MAGI2: variants seen among roughly 807,000 people sequenced by gnomAD.
MAGI2 encodes the protein membrane-associated guanylate kinase, WW and PDZ domain-containing protein 2.
Under a neutral mutation model 133.3 loss-of-function variants are expected in MAGI2, and 35 were observed. The observed-to-expected ratio is 0.26, with a 90% CI of 0.20 to 0.35. The LOEUF (loss-of-function observed/expected upper bound fraction) is 0.35, where lower values mean the gene tolerates loss of function less well. Ranked by LOEUF, MAGI2 falls within the 10% of genes least tolerant of loss-of-function variation. The probability of loss-of-function intolerance (pLI) is 1.00; values close to 1 mark genes in which losing one functional copy is unlikely to be tolerated. For synonymous variants in MAGI2, 729 were observed against 710.6 expected (o/e 1.03, Z -0.41); for missense variants, 1,636 against 1,863.4 (o/e 0.88, Z 2.25).
At position 79,120,235 on chromosome 7, in the gene MAGI2, C is replaced by T. The variant is rs150343324; in HGVS notation, c.302-113029G>A. Among the ~76,000 whole-genome samples, 39 of 152,122 alleles carry T rather than the reference C, an allele frequency of 2.6e-4. No homozygotes were observed. The East Asian group carries it at 6.4e-3, about 25-fold the overall frequency. ...TTTGGTATAAAAGTCATGTATGCAA[C>T]ACACCTGTTTAAAGCTATGTTACAT... On this transcript the variant is annotated intron_variant, in intron 1 of 21. Transcript: ENST00000354212.
intron 10 of MAGI2, among the ~76,000 whole-genome samples, chr7:78,230,642 T>C (rs1171876642): frequency 6.6e-6 from 1 of 152,208 alleles, no homozygotes; most frequent in African/African-American, 2.4e-5. Context: ...ACCTCCTTAT[T>C]TATTGAGACT....
chr7:79,119,788 C>T (rs1254328951), intron 1 of MAGI2, among the ~76,000 whole-genome samples: 1 of 151,894 alleles, frequency 6.6e-6, no homozygotes, highest in Non-Finnish European at 1.5e-5. Flanking sequence ...GCTCAGCTAT[C>T]TACAGTATGT....
At chr7:79,310,634 C>T (rs1409410112) in intron 1 of MAGI2, among the ~76,000 whole-genome samples, 2 of 152,102 alleles carry the variant, frequency 1.3e-5, no homozygotes, top group East Asian at 1.9e-4. Context: ...GCAATAAAGC[C>T]GGTGATCTTG....
intron 2 of MAGI2, among the ~76,000 whole-genome samples, chr7:78,971,993 G>A (rs1015202328): frequency 6.6e-6 from 1 of 151,760 alleles, no homozygotes; most frequent in Non-Finnish European, 1.5e-5. Context: ...ACAAATGTTT[G>A]CCTTTCATAC....
intron 6 of MAGI2, among the ~76,000 whole-genome samples, chr7:78,390,863 A>T (rs947775259): frequency 1.3e-5 from 2 of 152,156 alleles, no homozygotes; most frequent in Admixed American, 6.5e-5. Flanking sequence ...CTCATAAATG[A>T]TTGCTTTACA....
At chr7:79,405,422 T>TGA (rs1438409889) in intron 1 of MAGI2, among the ~76,000 whole-genome samples, 1 of 152,152 alleles carries the variant, frequency 6.6e-6, no homozygotes, top group Admixed American at 6.5e-5. Flanking sequence ...AATAGCTGAG[T>TGA]ATTCAGACAG....
chr7:79,366,272 T>C (rs968129070), intron 1 of MAGI2, among the ~76,000 whole-genome samples: 8 of 152,026 alleles, frequency 5.3e-5, no homozygotes, highest in East Asian at 3.9e-4. Flanking sequence ...GAAAAATATA[T>C]ATATATCCAA....
chr7:78,272,682 T>C (rs538326499), intron 9 of MAGI2, among the ~76,000 whole-genome samples: 2 of 152,360 alleles, frequency 1.3e-5, no homozygotes, highest in African/African-American at 2.4e-5. Flanking sequence ...TTGATCCCTT[T>C]ATCATTATGT....
At chr7:78,850,094 G>C (rs1792999602) in intron 2 of MAGI2, among the ~76,000 whole-genome samples, 1 of 151,968 alleles carries the variant, frequency 6.6e-6, no homozygotes, top group Non-Finnish European at 1.5e-5. Flanking sequence ...ATTAATATTT[G>C]TTAATAGATC....
intron 1 of MAGI2, among the ~76,000 whole-genome samples, chr7:79,324,926 A>G (rs1425665666): frequency 6.6e-6 from 1 of 151,410 alleles, no homozygotes; most frequent in Non-Finnish European, 1.5e-5. Context: ...CTTATATAAA[A>G]TAGGAAAATT....
At chr7:78,610,947 G>A (rs1158100555) in intron 3 of MAGI2, among the ~76,000 whole-genome samples, 1 of 152,212 alleles carries the variant, frequency 6.6e-6, no homozygotes, top group Non-Finnish European at 1.5e-5. Context: ...TGTCAAAGAA[G>A]GCTGGAAGCA....
At chr7:78,237,219 T>C (rs1011091100) in intron 10 of MAGI2, among the ~76,000 whole-genome samples, 1 of 152,148 alleles carries the variant, frequency 6.6e-6, no homozygotes, top group African/African-American at 2.4e-5. Flanking sequence ...ATAAAACAAA[T>C]AGATATATTC....
intron 1 of MAGI2, among the ~76,000 whole-genome samples, chr7:79,065,654 T>C (rs1814231746): frequency 6.6e-6 from 1 of 152,174 alleles, no homozygotes; most frequent in South Asian, 2.1e-4. Context: ...AGTGGTTTGC[T>C]GCGCCCATCA....
intron 3 of MAGI2, among the ~76,000 whole-genome samples, chr7:78,596,414 G>C (rs1252216795): frequency 6.6e-6 from 1 of 152,182 alleles, no homozygotes; most frequent in Non-Finnish European, 1.5e-5. Flanking sequence ...CTGGCCCCAA[G>C]AGCTTCTATC....
chr7:79,337,739 A>G (rs1167235304), intron 1 of MAGI2, among the ~76,000 whole-genome samples: 1 of 152,150 alleles, frequency 6.6e-6, no homozygotes, highest in Admixed American at 6.6e-5. Context: ...GCCCATAGAG[A>G]TAACCACATA....
chr7:78,567,595 AT>A (rs1245871010), intron 3 of MAGI2, among the ~76,000 whole-genome samples: 3 of 152,122 alleles, frequency 2.0e-5, no homozygotes, highest in Non-Finnish European at 4.4e-5. Flanking sequence ...AAGAATAAAC[AT>A]TTTGTAGATG....
At chr7:78,228,546 G>A (rs1191134339) in intron 10 of MAGI2, among the ~76,000 whole-genome samples, 1 of 152,036 alleles carries the variant, frequency 6.6e-6, no homozygotes, top group African/African-American at 2.4e-5. Context: ...ACCCAAGAGG[G>A]GCAACATCAA....
At chr7:78,922,341 C>T (rs371794340) in intron 2 of MAGI2, among the ~76,000 whole-genome samples, 12 of 151,924 alleles carry the variant, frequency 7.9e-5, no homozygotes, top group African/African-American at 2.9e-4. Flanking sequence ...ATCCCTCCCC[C>T]CTGCCCCCAC....
chr7:78,851,081 G>A (rs1584144245), intron 2 of MAGI2, among the ~76,000 whole-genome samples: 1 of 151,910 alleles, frequency 6.6e-6, no homozygotes. Flanking sequence ...GTTATGGCTA[G>A]GTATTCATTG....
Sources: allele counts gnomAD v4.1 joint callset (sites outside exome capture counted in the v4.1 genomes callset), GRCh38; gene constraint gnomAD v4.1.1; transcripts MANE v1.5; gene names NCBI Gene and HGNC (gene_info 2026-07-23, HGNC 2026-07-21).